CSF2RA: variants seen among roughly 807,000 people sequenced by gnomAD.
CSF2RA encodes granulocyte-macrophage colony-stimulating factor receptor subunit alpha.
Under a neutral mutation model 51.6 loss-of-function variants are expected in CSF2RA, and 42 were observed. That is an observed-to-expected ratio of 0.81 (90% CI 0.64 to 1.05). The LOEUF (loss-of-function observed/expected upper bound fraction) is 1.05. CSF2RA is among the 50% of genes least tolerant of loss of function. CSF2RA has a pLI of 0.00. For missense variants in CSF2RA, 530 were observed against 501.1 expected, an observed-to-expected ratio of 1.06 and a Z score of -0.55; for synonymous variants, 222 against 193.0, an observed-to-expected ratio of 1.15 and a Z score of -1.24.
At chrX:1,282,211 G>GA (rs113681196) in intron 2 of CSF2RA, 55,800 of 170,464 alleles carry the variant, frequency 0.33, 9,931 homozygotes, top group East Asian at 0.65. Flanking sequence ...TCTCAAAAAA[G>GA]AAAAAAAAAG....
At chrX:1,321,199 G>A in the CSF2RA span, among the ~76,000 whole-genome samples, 1 of 152,140 alleles carries the variant, frequency 6.6e-6, no homozygotes, top group East Asian at 1.9e-4. Flanking sequence ...GCCGGGCACG[G>A]TGGCTCACGC....
the CSF2RA span, among the ~76,000 whole-genome samples, chrX:1,323,343 G>A: frequency 1.3e-5 from 2 of 151,434 alleles, no homozygotes; most frequent in Admixed American, 6.6e-5. Flanking sequence ...GTGAAACCCC[G>A]TCTCAGGGTG....
At chrX:1,303,371 G>T in intron 10 of CSF2RA, 1 of 434,746 alleles carries the variant, frequency 2.3e-6, no homozygotes, top group South Asian at 6.8e-5. Flanking sequence ...AGGTAGATAG[G>T]ATTACAGGCA....
intron 4 of CSF2RA, 25 bp from the exon 5 acceptor site, chrX:1,288,494 G>A (rs1556521921): frequency 1.9e-6 from 3 of 1,613,808 alleles, no homozygotes; most frequent in Non-Finnish European, 2.5e-6. Flanking sequence ...TTCCTAATCG[G>A]CTCTGTCTGG....
the CSF2RA span, among the ~76,000 whole-genome samples, chrX:1,321,287 A>G: frequency 1.3e-5 from 2 of 151,776 alleles, no homozygotes; most frequent in Admixed American, 6.6e-5. Flanking sequence ...GGCTAACACA[A>G]TGAAACCCTT....
intron 4 of CSF2RA, among the ~76,000 whole-genome samples, chrX:1,287,590 CCCA>C (rs1456804069): frequency 1.6e-4 from 23 of 147,384 alleles, no homozygotes; most frequent in African/African-American, 4.8e-4. Context: ...ATTACAGGTG[CCCA>C]CCACCACACC....
At chrX:1,285,194 C>G (rs1208815299) in intron 3 of CSF2RA, among the ~76,000 whole-genome samples, 1 of 152,128 alleles carries the variant, frequency 6.6e-6, no homozygotes, top group Non-Finnish European at 1.5e-5. Context: ...AGCCACCACC[C>G]CCAGTCTTCA....
In CSF2RA at chrX:1,278,453, G is replaced by A. The variant is rs1202844386; in HGVS notation, c.-27+3635G>A. Among the ~76,000 whole-genome samples, 393 of 138,258 alleles carry A rather than the reference G, an allele frequency of 2.8e-3. 1 individual carries two copies. Among genetic ancestry groups the A allele is most frequent in the Middle Eastern group, 0.021 (4 of 192 alleles). The allele number at this position is 138,258 out of a possible 152,430, so 90.7% of individuals were successfully genotyped here. ...TATAATCCCAGCACTTTGGGAGCCCGAGGCAGGTGGATCACCTGAGGTCAG... is the reference window on the plus strand; with the variant it reads ...TATAATCCCAGCACTTTGGGAGCCCAAGGCAGGTGGATCACCTGAGGTCAG... On this transcript the variant is annotated intron_variant, in intron 2 of 12. Coordinates refer to ENST00000381529, the MANE Select transcript of CSF2RA (RefSeq NM_172245.4).
Position 1,307,717 on chromosome X carries a change from C to T in CSF2RA, c.1126-1685C>T. Among the ~76,000 whole-genome samples, 2 of 130,966 alleles carry T rather than the reference C, an allele frequency of 1.5e-5. 1 individual carries two copies. The highest frequency in any genetic ancestry group is 3.2e-5 in the Non-Finnish European group (2 of 61,546). 85.9% of individuals were successfully genotyped at this position (130,966 alleles called of 152,430 possible). A position where few individuals can be genotyped will look rare whatever the true frequency, so the allele number is the denominator to read the frequency against. On this transcript the variant is annotated intron_variant, in intron 12 of 12. Transcript: ENST00000381529. ...GATGAGGCCCACCCTCCCCTTTATA[C>T]CTTCGACTGATTAGATGAGGCCCGT...
chrX:1,293,015 G>C (rs1250819319), intron 7 of CSF2RA, among the ~76,000 whole-genome samples: 2 of 152,114 alleles, frequency 1.3e-5, no homozygotes, highest in African/African-American at 4.8e-5. Context: ...GGAGAATGGC[G>C]ATGACTTTTA....
downstream of CSF2RA, among the ~76,000 whole-genome samples, chrX:1,311,704 G>A (rs747965270): frequency 9.2e-5 from 14 of 152,232 alleles, no homozygotes; most frequent in East Asian, 2.3e-3. Flanking sequence ...GCGTCTCCAC[G>A]TGCTGGGATG....
At chrX:1,304,633 G>C (rs1226090202) in intron 11 of CSF2RA, among the ~76,000 whole-genome samples, 1 of 116,216 alleles carries the variant, frequency 8.6e-6, no homozygotes, top group Non-Finnish European at 1.7e-5. Context: ...TGGTTTCTGG[G>C]TTGGAGGTGG....
At chrX:1,315,820 T>C in the CSF2RA span, among the ~76,000 whole-genome samples, 2 of 141,222 alleles carry the variant, frequency 1.4e-5, no homozygotes, top group African/African-American at 5.0e-5. Context: ...GATAGATAGA[T>C]TAGATAGATG....
At chrX:1,319,718 T>TC in the CSF2RA span, among the ~76,000 whole-genome samples, 16 of 146,548 alleles carry the variant, frequency 1.1e-4, 3 homozygotes, top group Non-Finnish European at 2.1e-4. Context: ...TTTGCTGTTT[T>TC]TTTTTTTTTT....
chrX:1,287,655 G>T (rs1245532192), intron 4 of CSF2RA, among the ~76,000 whole-genome samples: 1 of 139,792 alleles, frequency 7.2e-6, no homozygotes, highest in African/African-American at 2.7e-5. Flanking sequence ...TGTTGGCCAG[G>T]CTGATCTTGA....
At chrX:1,279,244 G>A (rs57329347) in intron 2 of CSF2RA, among the ~76,000 whole-genome samples, 2,603 of 151,028 alleles carry the variant, frequency 0.017, 41 homozygotes, top group African/African-American at 0.048. Context: ...CCAGCTACTC[G>A]GAGGCTGAGG....
At chrX:1,284,967 A>C (rs2090471917) in intron 3 of CSF2RA, among the ~76,000 whole-genome samples, 1 of 151,690 alleles carries the variant, frequency 6.6e-6, no homozygotes, top group Admixed American at 6.6e-5. Flanking sequence ...GCGCCTGGCC[A>C]GTTTTTGATG....
chrX:1,295,735 C>T (rs1256976358), intron 9 of CSF2RA, among the ~76,000 whole-genome samples: 2 of 149,476 alleles, frequency 1.3e-5, no homozygotes, highest in Non-Finnish European at 3.0e-5. Flanking sequence ...CCCTGCCCCA[C>T]CTCCACAGAG....
downstream of CSF2RA, among the ~76,000 whole-genome samples, chrX:1,314,245 A>T (rs1209301943): frequency 5.4e-3 from 568 of 105,340 alleles, 4 homozygotes; most frequent in African/African-American, 0.016. Flanking sequence ...GCCCAACCCC[A>T]CTGCACCTGC....
Sources: allele counts gnomAD v4.1 joint callset (sites outside exome capture counted in the v4.1 genomes callset), GRCh38; gene constraint gnomAD v4.1.1; transcripts MANE v1.5; gene names NCBI Gene and HGNC (gene_info 2026-07-23, HGNC 2026-07-21).